CFDP1: variants seen among roughly 807,000 people sequenced by gnomAD.
CFDP1 encodes the protein heterochromatin-stabilizing protein CFDP1.
A neutral mutation model predicts 40.1 loss-of-function variants in CFDP1; 31 were observed. That is an observed-to-expected ratio of 0.77 (90% confidence interval 0.58 to 1.04). The LOEUF (loss-of-function observed/expected upper bound fraction) is 1.04. Ranked by LOEUF, CFDP1 falls within the 50% of genes least tolerant of loss-of-function variation. The pLI is 0.00. For missense variants in CFDP1, 423 were observed against 343.4 expected (o/e 1.23, Z -1.83); for synonymous variants, 167 against 120.0 (o/e 1.39, Z -2.56).
intron 5 of CFDP1, among the ~76,000 whole-genome samples, chr16:75,356,436 A>G (rs1237925020): frequency 6.6e-6 from 1 of 152,214 alleles, no homozygotes; most frequent in Non-Finnish European, 1.5e-5. Context: ...TCTGAGCGGT[A>G]TGTCTCAAAA....
intron 5 of CFDP1, among the ~76,000 whole-genome samples, chr16:75,310,554 T>C (rs1267081188): frequency 1.3e-5 from 2 of 152,254 alleles, no homozygotes; most frequent in Non-Finnish European, 2.9e-5. Flanking sequence ...AAAAATGTCA[T>C]TGTAACTAAA....
intron 5 of CFDP1, among the ~76,000 whole-genome samples, chr16:75,382,182 T>C (rs2078858214): frequency 6.6e-6 from 1 of 151,258 alleles, no homozygotes. Context: ...TATTCTGAGA[T>C]AGAGTACCAT....
At chr16:75,389,805 A>G (rs1365200135) in intron 5 of CFDP1, among the ~76,000 whole-genome samples, 1 of 152,212 alleles carries the variant, frequency 6.6e-6, no homozygotes, top group Non-Finnish European at 1.5e-5. Context: ...TAATATTTGC[A>G]CGGATAAAAT....
At chr16:75,373,243 A>G (rs2078766926) in intron 5 of CFDP1, among the ~76,000 whole-genome samples, 1 of 152,232 alleles carries the variant, frequency 6.6e-6, no homozygotes, top group African/African-American at 2.4e-5. Context: ...CCATTTCAAC[A>G]CTTACACACA....
rs987737390 is a variant in CFDP1, at chr16:75,430,165, T to C, written c.64+3124A>G. 9.5e-5 allele frequency among the ~76,000 whole-genome samples: 4 copies of C among 41,996 alleles called. No homozygotes were observed. In the Admixed American group the frequency reaches 1.3e-3, roughly 14 times the overall value. 27.6% of individuals were successfully genotyped at this position (41,996 alleles called of 152,430 possible). A position where few individuals can be genotyped will look rare whatever the true frequency, so the allele number is the denominator to read the frequency against. On this transcript the variant is annotated intron_variant, in intron 1 of 6. Coordinates refer to ENST00000283882, the MANE Select transcript of CFDP1 (RefSeq NM_006324.3). ...AGAGGTTGTGGAGACCAGAGGTTTT[T>C]TTTGTTTGTTTGTTTGTTTTTTCGA...
At chr16:75,428,802 T>C (rs1263075782) in intron 1 of CFDP1, among the ~76,000 whole-genome samples, 3 of 151,972 alleles carry the variant, frequency 2.0e-5, no homozygotes, top group African/African-American at 7.2e-5. Flanking sequence ...CATACCAAGA[T>C]ATATCATGGT....
chr16:75,412,654 C>G lies in CFDP1; in HGVS notation c.283G>C (p.Glu95Gln). The G allele has an allele frequency of 6.2e-7, 1 of 1,614,154 alleles. No homozygotes were observed. The highest frequency in any genetic ancestry group is 8.5e-7 in the Non-Finnish European group (1 of 1,180,026). The change falls in exon 3 of 7, where the codon GAG (glutamate) becomes CAG (glutamine). Residue 95 changes from glutamate (E) to glutamine (Q), a missense_variant. Transcript: ENST00000283882. ...SSSEEEDDAA[E>Q]QEKGIGSEDA... ...TCTGATCCAATGCCTTTTTCCTGCT[C>G]TGCAGCGTCATCTTCCTCCTCACTA...
intron 5 of CFDP1, among the ~76,000 whole-genome samples, chr16:75,321,519 C>G (rs968167494): frequency 6.6e-6 from 1 of 152,148 alleles, no homozygotes; most frequent in African/African-American, 2.4e-5. Context: ...ATACTTTAAA[C>G]CAAGCTTGTC....
chr16:75,294,141 G>C, intron 6 of CFDP1, 99 bp from the exon 7 acceptor site: 1 of 865,066 alleles, frequency 1.2e-6, no homozygotes, highest in Non-Finnish European at 1.9e-6. Context: ...TACAGTAAAT[G>C]GTGCCGAGAG....
intron 5 of CFDP1, among the ~76,000 whole-genome samples, chr16:75,375,486 T>C (rs192373261): frequency 2.8e-4 from 42 of 152,210 alleles, no homozygotes; most frequent in African/African-American, 9.6e-4. Flanking sequence ...ATTTCACACT[T>C]ACCCAAATAA....
chr16:75,331,778 A>G (rs755908457), intron 5 of CFDP1, among the ~76,000 whole-genome samples: 5 of 152,150 alleles, frequency 3.3e-5, no homozygotes, highest in Admixed American at 1.3e-4. Context: ...GTTTTACACT[A>G]TCAGGCTTGT....
At chr16:75,418,425 G>C (rs1028078531) in intron 1 of CFDP1, among the ~76,000 whole-genome samples, 5 of 149,928 alleles carry the variant, frequency 3.3e-5, no homozygotes, top group Non-Finnish European at 7.4e-5. Context: ...TCCTGCCTCA[G>C]CCTCCCGTGT....
chr16:75,431,504 T>G (rs2079417033), intron 1 of CFDP1, among the ~76,000 whole-genome samples: 1 of 147,076 alleles, frequency 6.8e-6, no homozygotes, highest in Non-Finnish European at 1.5e-5. Flanking sequence ...CGATCGGGTG[T>G]GCTGGCGGGC....
chr16:75,383,691 C>T (rs1442724070), intron 5 of CFDP1, among the ~76,000 whole-genome samples: 3 of 151,856 alleles, frequency 2.0e-5, no homozygotes, highest in East Asian at 3.9e-4. Context: ...TGGTGGTGGG[C>T]GCCTTTAGTC....
At chr16:75,328,421 C>T (rs2078419483) in intron 5 of CFDP1, among the ~76,000 whole-genome samples, 1 of 140,238 alleles carries the variant, frequency 7.1e-6, no homozygotes. Flanking sequence ...CCCGTCTCAT[C>T]GAAAAATACA....
At chr16:75,336,516 C>A (rs544280035) in intron 5 of CFDP1, among the ~76,000 whole-genome samples, 1 of 152,360 alleles carries the variant, frequency 6.6e-6, no homozygotes, top group South Asian at 2.1e-4. Context: ...TTCTTCCTTT[C>A]CTGCACATAC....
intron 5 of CFDP1, among the ~76,000 whole-genome samples, chr16:75,339,212 T>C (rs767877831): frequency 4.6e-5 from 7 of 152,200 alleles, no homozygotes; most frequent in Non-Finnish European, 8.8e-5. Flanking sequence ...TATTTTATAT[T>C]CTAGGACAAT....
At chr16:75,324,959 T>C (rs1456264702) in intron 5 of CFDP1, 1 of 152,216 alleles carries the variant, frequency 6.6e-6, no homozygotes, top group African/African-American at 2.4e-5. Flanking sequence ...ACCTGTAGAA[T>C]GGCCTGCTCT....
At chr16:75,420,134 A>C (rs2079261548) in intron 1 of CFDP1, among the ~76,000 whole-genome samples, 1 of 151,760 alleles carries the variant, frequency 6.6e-6, no homozygotes. Flanking sequence ...AAAAAAAAAA[A>C]AATTAAAAAG....
Sources: allele counts gnomAD v4.1 joint callset (sites outside exome capture counted in the v4.1 genomes callset), GRCh38; gene constraint gnomAD v4.1.1; transcripts MANE v1.5; gene names NCBI Gene and HGNC (gene_info 2026-07-23, HGNC 2026-07-21).